The following CLIP2 variants were observed in gnomAD, a reference collection of about 807,000 sequenced individuals.
CLIP2 encodes the protein CAP-Gly domain-containing linker protein 2.
CLIP2 carries 41 observed loss-of-function variants against 111.7 expected under a neutral mutation model. The ratio of observed to expected loss-of-function variants is 0.37; its 90% CI spans 0.29 to 0.48. The LOEUF (loss-of-function observed/expected upper bound fraction) is 0.48. Among genes scored for constraint, CLIP2 ranks in the 20% least tolerant of loss-of-function variants. The pLI is 0.99. For synonymous variants in CLIP2, 660 were observed against 644.2 expected (o/e 1.02, Z -0.37); for missense variants, 1,160 against 1,422.1 (o/e 0.82, Z 2.96).
At chr7:74,315,937 T>C (rs567376562) in intron 1 of CLIP2, among the ~76,000 whole-genome samples, 17 of 151,112 alleles carry the variant, frequency 1.1e-4, no homozygotes, top group African/African-American at 3.9e-4. Context: ...GTTTGTTACA[T>C]AGGTAAACGT....
chr7:74,398,678 A>G (rs980705296), intron 14 of CLIP2, among the ~76,000 whole-genome samples: 8 of 152,210 alleles, frequency 5.3e-5, no homozygotes, highest in African/African-American at 1.9e-4. Context: ...GTTCCGGGAT[A>G]AAGAGCATCA....
intron 1 of CLIP2, among the ~76,000 whole-genome samples, chr7:74,300,703 G>T (rs571017454): frequency 6.6e-6 from 1 of 152,046 alleles, no homozygotes; most frequent in Non-Finnish European, 1.5e-5. Flanking sequence ...TGATCCACCC[G>T]CCTCGGCCTC....
intron 8 of CLIP2, 113 bp downstream of exon 8, chr7:74,364,428 TG>T (rs1175418252): frequency 2.5e-5 from 22 of 892,404 alleles, no homozygotes; most frequent in African/African-American, 6.7e-5. Context: ...GGGAAGGGGC[TG>T]GGGGGGAAAA....
chr7:74,376,614 T>G lies in CLIP2; in HGVS notation c.2213T>G (p.Leu738Arg). ...AELRVHELEK[L>R]DVEYRGQAQA... ...CTGCGTGTGCACGAGCTGGAAAAACTGGACGTGGAGTACCGGGGCCAGGCG... is the reference window on the plus strand; with the variant it reads ...CTGCGTGTGCACGAGCTGGAAAAACGGGACGTGGAGTACCGGGGCCAGGCG... The change falls in exon 10 of 17, where the codon CTG becomes CGG. Residue 738 changes from leucine to arginine, a missense_variant. Physicochemically the swap from Leu to Arg is moderately radical, Grantham distance 102. Coordinates refer to ENST00000223398, the MANE Select transcript of CLIP2 (RefSeq NM_003388.5). This position sits in a 1 kb window ranked among gnomAD's most constrained non-coding sequence, Gnocchi z 7.1. 1 of 1,613,150 alleles carries G rather than the reference T, an allele frequency of 6.2e-7. No individual in the cohort carries two copies. Among genetic ancestry groups the G allele is most frequent in the South Asian group, 1.1e-5 (1 of 90,802 alleles).
intron 1 of CLIP2, among the ~76,000 whole-genome samples, chr7:74,300,875 T>G (rs1554726716): frequency 6.6e-6 from 1 of 152,212 alleles, no homozygotes; most frequent in African/African-American, 2.4e-5. Context: ...TCTTGTGAAT[T>G]GTGCTGTGAT....
intron 1 of CLIP2, among the ~76,000 whole-genome samples, chr7:74,312,794 G>A (rs1328657632): frequency 2.0e-5 from 3 of 152,126 alleles, no homozygotes; most frequent in African/African-American, 4.8e-5. Flanking sequence ...CCGGCATGTC[G>A]GCTCCACTGC....
At chr7:74,349,483 TATATATATA>T (rs1789916343) in intron 3 of CLIP2, among the ~76,000 whole-genome samples, 1 of 113,744 alleles carries the variant, frequency 8.8e-6, no homozygotes, top group South Asian at 2.8e-4. Flanking sequence ...TATATATATA[TATATATATA>T]TATATATATA....
rs200289076 is a variant in CLIP2, at chr7:74,326,643, T to TC, written c.121+8976_121+8977insC. ...CACAGGGCTGGGCCCAGAGCATTTT[T>TC]TTTTTTTTTTTGAGACGGAATCTCT... On this transcript the variant is annotated intron_variant, in intron 2 of 16. Transcript: ENST00000223398. Among the ~76,000 whole-genome samples, 745 of 151,954 alleles carry TC rather than the reference T, an allele frequency of 4.9e-3. 8 individuals are homozygous for TC. Among genetic ancestry groups the TC allele is most frequent in the African/African-American group, 0.017 (721 of 41,470 alleles).
chr7:74,388,842 GCTA>G, intron 12 of CLIP2: 1 of 342,892 alleles, frequency 2.9e-6, no homozygotes, highest in Non-Finnish European at 5.2e-6. Context: ...TGTAGTCCCA[GCTA>G]CTCAGGAGGC....
chr7:74,351,730 G>T (rs186471673), intron 3 of CLIP2, among the ~76,000 whole-genome samples: 1 of 152,122 alleles, frequency 6.6e-6, no homozygotes, highest in Non-Finnish European at 1.5e-5. Flanking sequence ...CAGCTACTCC[G>T]GAGGCTGATG....
At chr7:74,335,102 A>G (rs1356089678) in intron 2 of CLIP2, among the ~76,000 whole-genome samples, 16 of 151,976 alleles carry the variant, frequency 1.1e-4, no homozygotes, top group Admixed American at 9.2e-4. Context: ...AGGTAAAAAT[A>G]TGATGTATTC....
intron 6 of CLIP2, 69 bp from the exon 7 acceptor site, chr7:74,360,106 C>T: frequency 2.2e-6 from 3 of 1,340,742 alleles, no homozygotes; most frequent in Non-Finnish European, 2.1e-6. Context: ...TGTCTCCCAC[C>T]ACACCACCAA....
chr7:74,379,608 C>G (rs1402712119), intron 10 of CLIP2, among the ~76,000 whole-genome samples: 1 of 151,852 alleles, frequency 6.6e-6, no homozygotes, highest in African/African-American at 2.4e-5. Flanking sequence ...ACTAAAAATA[C>G]AAAAAATTAG....
Position 74,332,434 on chromosome 7 carries a change from C to G in CLIP2, c.122-6014C>G, listed in dbSNP as rs1430845169. Reference sequence around the variant, plus strand: ...CCAGGCTGGATTGCAGTGGTGGGATCATGCCTCACTGCAGCCTAGAATTCT... The same window carrying G: ...CCAGGCTGGATTGCAGTGGTGGGATGATGCCTCACTGCAGCCTAGAATTCT... On this transcript the variant is annotated intron_variant, in intron 2 of 16. Transcript: ENST00000223398. Among the ~76,000 whole-genome samples, 6 of 149,666 alleles carry G rather than the reference C, an allele frequency of 4.0e-5. No homozygotes were observed. The East Asian group carries it at 1.2e-3, about 29-fold the overall frequency.
intron 10 of CLIP2, among the ~76,000 whole-genome samples, chr7:74,377,157 G>A (rs1554313159): frequency 6.6e-6 from 1 of 152,138 alleles, no homozygotes; most frequent in East Asian, 1.9e-4. Context: ...GGGCTCCTAG[G>A]ACCCGGGACC....
chr7:74,356,555 A>G lies in CLIP2; in HGVS notation c.949A>G (p.Ser317Gly). 6.2e-7 allele frequency: 1 copy of G among 1,614,218 alleles called. No individual in the cohort carries two copies. The change falls in exon 5 of 17, where the codon AGT becomes GGT. Residue 317 changes from serine (S) to glycine (G), a missense_variant. This residue lies in a region of CLIP2 where 110 missense variants were observed against 185.2 expected (regional missense o/e 0.59). Transcript: ENST00000223398. ...GVSALTHSPS[S>G]SSISSVSSVA... Reference sequence around the variant, plus strand: ...GTCAGCACTGACCCACAGTCCCAGCAGTTCCTCCATCAGCTCCGTCAGCTC... The same window carrying G: ...GTCAGCACTGACCCACAGTCCCAGCGGTTCCTCCATCAGCTCCGTCAGCTC...
intron 2 of CLIP2, among the ~76,000 whole-genome samples, chr7:74,332,263 G>A (rs898992996): frequency 5.3e-5 from 8 of 151,858 alleles, no homozygotes; most frequent in Non-Finnish European, 7.4e-5. Flanking sequence ...TAGTAGAGAC[G>A]AGGTTTCACC....
At chr7:74,377,382 C>T (rs1790823121) in intron 10 of CLIP2, among the ~76,000 whole-genome samples, 2 of 152,164 alleles carry the variant, frequency 1.3e-5, no homozygotes, top group African/African-American at 4.8e-5. Flanking sequence ...GGGGGTGGCC[C>T]TAAAGAGGTC....
chr7:74,304,838 G>A (rs973756772), intron 1 of CLIP2, among the ~76,000 whole-genome samples: 6 of 152,016 alleles, frequency 3.9e-5, no homozygotes, highest in Admixed American at 6.6e-5. Context: ...CCAACTACTC[G>A]GGAGGCTAAG....
Sources: allele counts gnomAD v4.1 joint callset (sites outside exome capture counted in the v4.1 genomes callset), GRCh38; gene constraint gnomAD v4.1.1; regional missense constraint gnomAD v4.1.1; non-coding constraint Gnocchi (gnomAD v3.1); transcripts MANE v1.5; gene names NCBI Gene and HGNC (gene_info 2026-07-23, HGNC 2026-07-21).